The following SLC24A3 variants were observed in gnomAD, a reference collection of about 807,000 sequenced individuals.
The protein encoded by SLC24A3 is sodium/potassium/calcium exchanger 3.
A neutral mutation model predicts 75.8 loss-of-function variants in SLC24A3; 28 were observed. The ratio of observed to expected loss-of-function variants is 0.37; its 90% CI spans 0.27 to 0.51. The LOEUF is 0.51. Ranked by LOEUF, SLC24A3 falls within the 20% of genes least tolerant of loss-of-function variation. The probability of loss-of-function intolerance (pLI) is 0.94; values close to 1 mark genes in which losing one functional copy is unlikely to be tolerated. For missense variants in SLC24A3, 663 were observed against 847.8 expected, an observed-to-expected ratio of 0.78 and a Z score of 2.71; for synonymous variants, 372 against 334.1, an observed-to-expected ratio of 1.11 and a Z score of -1.24.
chr20:19,213,026 G>T (rs1015905243), intron 1 of SLC24A3, 42 bp downstream of exon 1: 2 of 1,202,802 alleles, frequency 1.7e-6, no homozygotes, highest in African/African-American at 3.2e-5. Flanking sequence ...CTGCGGCTCC[G>T]GCGGCTCGGG....
chr20:19,355,922 C>A lies in SLC24A3; in HGVS notation c.271+74835C>A, dbSNP rs1985673072. ...CCTACATTCATATTAGAAGGAACTG[C>A]TACATTTGGGTTAGAAGTTATTTAA... On this transcript the variant is annotated intron_variant, in intron 2 of 16. Transcript: ENST00000328041. Among the ~76,000 whole-genome samples, 3 of 152,140 alleles carry A rather than the reference C, an allele frequency of 2.0e-5. 1 individual carries two copies. The highest frequency in any genetic ancestry group is 2.0e-4 in the Admixed American group (3 of 15,282).
chr20:19,275,535 T>C (rs1016173541), intron 1 of SLC24A3, among the ~76,000 whole-genome samples: 1 of 151,826 alleles, frequency 6.6e-6, no homozygotes, highest in African/African-American at 2.4e-5. Context: ...TAGGAGACAG[T>C]GTTAGGGTGA....
rs28673551 is a variant in SLC24A3 at position 19,401,260 on chromosome 20, C to T, written c.272-114228C>T. On this transcript the variant is annotated intron_variant, in intron 2 of 16. Coordinates refer to ENST00000328041, the MANE Select transcript of SLC24A3 (RefSeq NM_020689.4). ...AGTCCACAGAAGTGGGATGGTGCTG[C>T]CAATGATGACACCAGCCTCTCTCAT... 7.6e-3 allele frequency among the ~76,000 whole-genome samples: 1,154 copies of T among 152,280 alleles called. 11 individuals carry two copies. The highest frequency in any genetic ancestry group is 0.026 in the African/African-American group (1,095 of 41,554).
At chr20:19,540,996 C>T (rs1408271303) in intron 3 of SLC24A3, among the ~76,000 whole-genome samples, 2 of 152,158 alleles carry the variant, frequency 1.3e-5, no homozygotes, top group Non-Finnish European at 2.9e-5. Context: ...GTGGATAACC[C>T]CGCACAACAA....
chr20:19,444,654 A>G (rs763367684), intron 2 of SLC24A3, among the ~76,000 whole-genome samples: 2 of 152,124 alleles, frequency 1.3e-5, no homozygotes, highest in South Asian at 2.1e-4. Context: ...TGTCAATGCA[A>G]TAAGTAGTGA....
At chr20:19,556,267 T>A (rs1306246985) in intron 3 of SLC24A3, among the ~76,000 whole-genome samples, 1 of 152,188 alleles carries the variant, frequency 6.6e-6, no homozygotes, top group Admixed American at 6.5e-5. Context: ...TGCCTGTTTC[T>A]CATCTCCTTC....
Position 19,688,776 on chromosome 20 carries a change from G to A in SLC24A3, c.1324+3415G>A, listed in dbSNP as rs150903993. ...TGATTACCAAGAAAGTAATTATTTAGGAGTATGTGAATACTGTTGTGAGTT... is the reference window on the plus strand; with the variant it reads ...TGATTACCAAGAAAGTAATTATTTAAGAGTATGTGAATACTGTTGTGAGTT... On this transcript the variant is annotated intron_variant, in intron 12 of 16. Coordinates refer to ENST00000328041, the MANE Select transcript of SLC24A3 (RefSeq NM_020689.4). 5.9e-3 allele frequency among the ~76,000 whole-genome samples: 904 copies of A among 152,324 alleles called. 2 individuals carry two copies. The highest frequency in any genetic ancestry group is 0.027 in the Middle Eastern group (8 of 294).
chr20:19,326,616 C>T (rs1308716743), intron 2 of SLC24A3, among the ~76,000 whole-genome samples: 2 of 145,864 alleles, frequency 1.4e-5, no homozygotes, highest in Non-Finnish European at 3.0e-5. Flanking sequence ...CTCCCTTGGT[C>T]TCCCAGGCTG....
At chr20:19,681,829 G>A (rs2032618568) in intron 9 of SLC24A3, 29 bp from the exon 10 acceptor site, 1 of 1,613,590 alleles carries the variant, frequency 6.2e-7, no homozygotes, top group Non-Finnish European at 8.5e-7. Flanking sequence ...AAACACTGAT[G>A]GACTCTGCCC....
chr20:19,619,428 T>C (rs1364501910), intron 6 of SLC24A3, among the ~76,000 whole-genome samples: 1 of 152,190 alleles, frequency 6.6e-6, no homozygotes, highest in East Asian at 1.9e-4. Context: ...ATATGTACTA[T>C]GCATATGATT....
intron 13 of SLC24A3, among the ~76,000 whole-genome samples, chr20:19,696,015 C>CTTTTCTTTTTTT: frequency 9.3e-6 from 1 of 108,074 alleles, no homozygotes; most frequent in African/African-American, 3.6e-5. Flanking sequence ...TTTTCCTTTT[C>CTTTTCTTTTTTT]TTTTTTTTTT....
At chr20:19,419,932 C>T (rs1161132734) in intron 2 of SLC24A3, among the ~76,000 whole-genome samples, 1 of 123,478 alleles carries the variant, frequency 8.1e-6, no homozygotes, top group Admixed American at 8.3e-5. Context: ...CACCCACTAA[C>T]GTGTCATCTA....
intron 15 of SLC24A3, among the ~76,000 whole-genome samples, chr20:19,706,266 T>C (rs926576925): frequency 1.3e-5 from 2 of 152,170 alleles, no homozygotes; most frequent in African/African-American, 4.8e-5. Flanking sequence ...CTGGAGATGG[T>C]GCAGTAAGCA....
At chr20:19,323,957 T>G (rs539878627) in intron 2 of SLC24A3, among the ~76,000 whole-genome samples, 1 of 152,298 alleles carries the variant, frequency 6.6e-6, no homozygotes, top group African/African-American at 2.4e-5. Flanking sequence ...TGCTTTCTAG[T>G]CTGTCATAGA....
At chr20:19,512,497 C>A (rs2029901818) in intron 2 of SLC24A3, among the ~76,000 whole-genome samples, 1 of 152,220 alleles carries the variant, frequency 6.6e-6, no homozygotes, top group South Asian at 2.1e-4. Flanking sequence ...CCTCCTCCAC[C>A]AGAGAACCAG....
At chr20:19,248,223 C>A (rs1392918071) in intron 1 of SLC24A3, among the ~76,000 whole-genome samples, 1 of 152,194 alleles carries the variant, frequency 6.6e-6, no homozygotes, top group Non-Finnish European at 1.5e-5. Context: ...CAGAACCAAC[C>A]TCTAGGCAAG....
At chr20:19,677,708 A>G (rs1056377671) in intron 9 of SLC24A3, among the ~76,000 whole-genome samples, 19 of 77,616 alleles carry the variant, frequency 2.4e-4, no homozygotes, top group African/African-American at 1.1e-3. Flanking sequence ...TTTTTTTTTA[A>G]TTTTCATTTT....
chr20:19,316,075 C>T (rs1017065105), intron 2 of SLC24A3, among the ~76,000 whole-genome samples: 4 of 152,180 alleles, frequency 2.6e-5, no homozygotes, highest in East Asian at 1.9e-4. Flanking sequence ...GGCAGCTCAC[C>T]GCAGCTGCCC....
intron 7 of SLC24A3, among the ~76,000 whole-genome samples, chr20:19,655,584 G>A (rs757362278): frequency 7.2e-5 from 11 of 152,134 alleles, no homozygotes; most frequent in African/African-American, 7.2e-5. Flanking sequence ...GGAGATCAGC[G>A]TTTGAATCCT....
Sources: gnomAD v4.1 joint callset for allele counts (sites outside exome capture counted in the v4.1 genomes callset) on GRCh38, gnomAD v4.1.1 for gene constraint, MANE v1.5 for transcripts, NCBI Gene and HGNC (gene_info 2026-07-23, HGNC 2026-07-21) for gene names.